The following HPSE2 variants were observed in gnomAD, a reference collection of about 807,000 sequenced individuals.
HPSE2 encodes inactive heparanase-2.
In HPSE2, 38 loss-of-function variants were observed where a neutral mutation model predicts 60.5. That is an observed-to-expected ratio of 0.63 (90% CI 0.48 to 0.82). The LOEUF is 0.82. Ranked by LOEUF, HPSE2 falls within the 40% of genes least tolerant of loss-of-function variation. The pLI, the probability that HPSE2 is intolerant of heterozygous loss-of-function variation, is 0.00. For synonymous variants in HPSE2, 295 were observed against 293.2 expected (o/e 1.01, Z -0.06); for missense variants, 713 against 740.4 (o/e 0.96, Z 0.43).
At chr10:99,256,330 G>C in the HPSE2 span, among the ~76,000 whole-genome samples, 1 of 25,048 alleles carries the variant, frequency 4.0e-5, no homozygotes, top group Non-Finnish European at 8.9e-5. Flanking sequence ...TTGATCTCTT[G>C]CTCTTTCTTG....
intron 2 of HPSE2, among the ~76,000 whole-genome samples, chr10:99,219,007 A>G (rs1036940088): frequency 4.6e-5 from 7 of 152,208 alleles, no homozygotes; most frequent in African/African-American, 7.2e-5. Context: ...AATGGTGATT[A>G]CATTCATTTT....
At chr10:99,293,310 T>C in the HPSE2 span, among the ~76,000 whole-genome samples, 2,577 of 152,296 alleles carry the variant, frequency 0.017, 104 homozygotes, top group East Asian at 0.16. Context: ...CTGAGAAACA[T>C]TGGATAGGCC....
chr10:99,232,695 C>A (rs2133952698), intron 1 of HPSE2, among the ~76,000 whole-genome samples, 190 bp from the exon 2 acceptor site: 1 of 152,364 alleles, frequency 6.6e-6, no homozygotes, highest in South Asian at 2.1e-4. Context: ...CCTCACCGCC[C>A]GGCTCTGGGG....
Position 99,235,642 on chromosome 10 carries a change from C to T in HPSE2, c.161G>A (p.Gly54Asp), listed in dbSNP as rs771343217. Reference protein sequence around the residue: ...RRPLPVDRAAGLKEKTLILLD... With the variant: ...RRPLPVDRAADLKEKTLILLD... The stretch of plus-strand genomic sequence containing the variant: ...TAGAATCAGGGTCTTTTCCTTCAAA[C>T]CTGCAGCTCTGTCTACAGGCAAGGG... The change falls in exon 1 of 12, where the codon GGT becomes GAT. Residue 54 changes from glycine (G) to aspartate (D), a missense_variant. Gly to Asp is a moderately conservative substitution (Grantham distance 94, BLOSUM62 -1). Coordinates refer to ENST00000370552, the MANE Select transcript of HPSE2 (RefSeq NM_021828.5). The T allele has an allele frequency of 1.2e-6, 2 of 1,614,078 alleles. No homozygotes were observed. Among genetic ancestry groups the T allele is most frequent in the Non-Finnish European group, 1.7e-6 (2 of 1,180,020 alleles).
intron 3 of HPSE2, among the ~76,000 whole-genome samples, chr10:99,061,017 G>C (rs1247394721): frequency 6.6e-6 from 1 of 151,986 alleles, no homozygotes; most frequent in Admixed American, 6.6e-5. Context: ...ATTTAAAAAA[G>C]TTTAAGCTCA....
chr10:99,117,435 A>C (rs938837800), intron 3 of HPSE2, among the ~76,000 whole-genome samples: 9 of 140,294 alleles, frequency 6.4e-5, no homozygotes, highest in South Asian at 2.2e-4. Context: ...AAAAAAAAAA[A>C]AAAAAAAAAA....
At chr10:98,460,473 A>G (rs988054569) in intron 11 of HPSE2, among the ~76,000 whole-genome samples, 17 of 152,144 alleles carry the variant, frequency 1.1e-4, no homozygotes, top group African/African-American at 2.7e-4. Context: ...CAAACAATAT[A>G]AAAGCAAAAT....
At chr10:98,511,365 T>C (rs1942388456) in intron 9 of HPSE2, among the ~76,000 whole-genome samples, 1 of 152,296 alleles carries the variant, frequency 6.6e-6, no homozygotes, top group Middle Eastern at 3.4e-3. Flanking sequence ...TTAGCCAGGA[T>C]GGTCTTGATC....
chr10:98,671,563 G>A (rs1362885159), intron 6 of HPSE2, among the ~76,000 whole-genome samples: 1 of 152,058 alleles, frequency 6.6e-6, no homozygotes, highest in East Asian at 1.9e-4. Flanking sequence ...ATAACTCTAG[G>A]TGAATAATAG....
At chr10:99,015,852 A>T (rs1564739099) in intron 3 of HPSE2, among the ~76,000 whole-genome samples, 1 of 152,156 alleles carries the variant, frequency 6.6e-6, no homozygotes, top group Non-Finnish European at 1.5e-5. Context: ...CTAAAAAAAA[A>T]GTTTCTGTTC....
rs370020237 is a variant in HPSE2 at position 98,956,757 on chromosome 10, C to T, written c.610+187481G>A. On this transcript the variant is annotated intron_variant, in intron 3 of 11. Coordinates refer to ENST00000370552, the MANE Select transcript of HPSE2 (RefSeq NM_021828.5). ...CAGGGCCACACTCAGCTGCAAGGGA[C>T]GTTGGAAAATATAGTTGCTCAGCTG... Among the ~76,000 whole-genome samples the T allele has an allele frequency of 3.7e-3, 558 of 151,758 alleles. 6 individuals are homozygous for T. The highest frequency in any genetic ancestry group is 0.015 in the South Asian group (71 of 4,776).
intron 3 of HPSE2, among the ~76,000 whole-genome samples, chr10:99,055,981 T>G (rs1958104006): frequency 6.6e-6 from 1 of 152,074 alleles, no homozygotes; most frequent in African/African-American, 2.4e-5. Context: ...AGATCAGAGT[T>G]GAAATCAGCA....
At chr10:98,971,098 T>C (rs1218749075) in intron 3 of HPSE2, among the ~76,000 whole-genome samples, 2 of 152,208 alleles carry the variant, frequency 1.3e-5, no homozygotes, top group Non-Finnish European at 2.9e-5. Context: ...GAATACAGAA[T>C]TACTGAAAAT....
chr10:99,133,605 G>A (rs1041742961), intron 3 of HPSE2, among the ~76,000 whole-genome samples: 1 of 152,154 alleles, frequency 6.6e-6, no homozygotes, highest in African/African-American at 2.4e-5. Flanking sequence ...ACACAGTCAG[G>A]AGTGGGCCTC....
At chr10:99,165,368 G>A (rs1847034858) in intron 2 of HPSE2, among the ~76,000 whole-genome samples, 1 of 151,878 alleles carries the variant, frequency 6.6e-6, no homozygotes, top group Non-Finnish European at 1.5e-5. Context: ...CAGTATGATT[G>A]TGCCATTCAT....
the HPSE2 span, among the ~76,000 whole-genome samples, chr10:99,313,056 C>A: frequency 2.6e-4 from 39 of 152,190 alleles, no homozygotes; most frequent in Non-Finnish European, 4.4e-4. Context: ...CTTCCTGAGA[C>A]CTCCCCAGAA....
At chr10:98,980,394 G>A (rs1345927524) in intron 3 of HPSE2, among the ~76,000 whole-genome samples, 1 of 151,632 alleles carries the variant, frequency 6.6e-6, no homozygotes, top group African/African-American at 2.4e-5. Flanking sequence ...ATTGAGCAAG[G>A]AAAAAAAATC....
chr10:98,580,884 A>AAT (rs919168029), intron 9 of HPSE2, among the ~76,000 whole-genome samples: 19 of 145,628 alleles, frequency 1.3e-4, no homozygotes, highest in Middle Eastern at 3.5e-3. Flanking sequence ...ATATATATAA[A>AAT]ATATATATAT....
chr10:99,283,206 AAAAAAAAAAAC>A, the HPSE2 span, among the ~76,000 whole-genome samples: 70 of 5,510 alleles, frequency 0.013, 3 homozygotes, highest in South Asian at 0.1. Flanking sequence ...AAAAAAAAAA[AAAAAAAAAAAC>A]AGAAGGATTT....
Sources: allele counts gnomAD v4.1 joint callset (sites outside exome capture counted in the v4.1 genomes callset), GRCh38; gene constraint gnomAD v4.1.1; transcripts MANE v1.5; gene names NCBI Gene and HGNC (gene_info 2026-07-23, HGNC 2026-07-21).